Variants in HECTD4 observed in about 807,000 individuals in gnomAD.
The protein encoded by HECTD4 is probable E3 ubiquitin-protein ligase HECTD4.
HECTD4 carries 114 observed loss-of-function variants against 471.5 expected under a neutral mutation model. The observed-to-expected ratio is 0.24, with a 90% CI of 0.21 to 0.28. The LOEUF (loss-of-function observed/expected upper bound fraction) is 0.28. Ranked by LOEUF, HECTD4 falls within the 10% of genes least tolerant of loss-of-function variation. The pLI is 1.00. For synonymous variants in HECTD4, 2,012 were observed against 2,256.0 expected (o/e 0.89, Z 3.07); for missense variants, 3,866 against 5,651.5 (o/e 0.68, Z 10.13).
chr12:112,207,846 C>A (rs373595352), intron 52 of HECTD4, 28 bp downstream of exon 52: 2 of 1,610,804 alleles, frequency 1.2e-6, no homozygotes, highest in African/African-American at 2.7e-5. Context: ...ATGAAGTAAC[C>A]TCCTTAGCAG....
intron 21 of HECTD4, among the ~76,000 whole-genome samples, chr12:112,255,657 G>A (rs7952907): frequency 0.013 from 2,028 of 152,192 alleles, 39 homozygotes; most frequent in African/African-American, 0.047. Flanking sequence ...TAGTATGCAC[G>A]AAGCTATTAG....
At position 112,235,511 on chromosome 12, in the gene HECTD4, C is replaced by T. The variant is rs748551897; in HGVS notation, c.5718G>A (p.Val1906=). The T allele has an allele frequency of 2.5e-6, 4 of 1,609,524 alleles. No homozygotes were observed. The South Asian group carries it at 4.4e-5, about 18-fold the overall frequency. ...SLLLAKLADY[V]VPGCQTVLSP... is the part of the protein sequence containing the mutation. ...TGTTGAGGAGCTTCTCACCTGGAAC[C>T]ACATAATCTGCCAGCTTTGCTAAGA... Residue 1906 remains valine, a synonymous_variant, in exon 36 of 76, where the codon GTG becomes GTA. Transcript: ENST00000682272. The surrounding 1 kb of genome is among the most constrained non-coding windows in gnomAD (Gnocchi z 5.0).
chr12:112,193,311 C>A lies in HECTD4; in HGVS notation c.8956-120G>T, dbSNP rs922718934. The A allele has an allele frequency of 1.4e-6, 2 of 1,383,766 alleles. No homozygotes were observed. The highest frequency in any genetic ancestry group is 2.0e-6 in the Non-Finnish European group (2 of 1,008,850). The allele number at this position is 1,383,766 out of a possible 1,614,324, so 85.7% of individuals were successfully genotyped here. A position where few individuals can be genotyped will look rare whatever the true frequency, so the allele number is the denominator to read the frequency against. On this transcript the variant is annotated intron_variant, in intron 57 of 75. Transcript: ENST00000682272. This position sits in a 1 kb window ranked among gnomAD's most constrained non-coding sequence, Gnocchi z 5.2. ...GACTAAATAGCCCTCTGGAAGGAAG[C>A]AAGCTACAGATGAGATAAAGCAGAA...
intron 7 of HECTD4, among the ~76,000 whole-genome samples, chr12:112,299,042 A>G (rs2035107841): frequency 6.6e-6 from 1 of 152,184 alleles, no homozygotes; most frequent in Admixed American, 6.6e-5. Context: ...GAAAGTTGCT[A>G]AATTAGTGGC....
intron 44 of HECTD4, 45 bp from the exon 45 acceptor site, chr12:112,219,534 T>C: frequency 1.5e-6 from 2 of 1,374,182 alleles, no homozygotes; most frequent in Non-Finnish European, 2.1e-6. Context: ...CTCCCGCAAC[T>C]CCCAAGTGGG....
rs2033781204 is a variant in HECTD4, at chr12:112,247,157, T to A, written c.4338-81A>T. ...ATTAAAAAAAAATGTTTACAAAGAA[T>A]AAGAGAAGACACAGGGGAAACTAAG... is the stretch of plus-strand genomic sequence containing the variant. On this transcript the variant is annotated intron_variant, in intron 28 of 75. Coordinates refer to ENST00000682272, the MANE Select transcript of HECTD4 (RefSeq NM_001388303.1). 4.2e-6 allele frequency: 5 copies of A among 1,181,204 alleles called. No individual in the cohort carries two copies. In the South Asian group the frequency reaches 5.7e-5, roughly 14 times the overall value. The allele number at this position is 1,181,204 out of a possible 1,614,324, so 73.2% of individuals were successfully genotyped here. A position where few individuals can be genotyped will look rare whatever the true frequency, so the allele number is the denominator to read the frequency against.
intron 21 of HECTD4, among the ~76,000 whole-genome samples, chr12:112,255,159 A>G (rs1469959123): frequency 2.0e-5 from 3 of 152,226 alleles, no homozygotes; most frequent in Admixed American, 2.0e-4. Context: ...GAAATGCAAA[A>G]TACAGTTTTT....
intron 2 of HECTD4, among the ~76,000 whole-genome samples, chr12:112,315,416 T>C (rs2035459363): frequency 6.6e-6 from 1 of 152,060 alleles, no homozygotes; most frequent in African/African-American, 2.4e-5. Flanking sequence ...TTTCACTATC[T>C]CTAGTTTCAG....
chr12:112,185,297 G>C lies in HECTD4; in HGVS notation c.9669C>G (p.Tyr3223Ter). 6.4e-7 allele frequency: 1 copy of C among 1,560,810 alleles called. No homozygotes were observed. Among genetic ancestry groups the C allele is most frequent in the South Asian group, 1.2e-5 (1 of 85,192 alleles). ...MALQSELHKL[Y>*]DEETQNWVSG... ...AGACCCAGTTCTGCGTCTCCTCGTC[G>C]TACAGCTTGTGGAGCTCCGACTGCA... The change falls in exon 61 of 76, where the codon TAC (tyrosine) becomes TAG (stop). Residue 3223 changes from tyrosine (Y) to a stop codon, truncating the protein, a stop_gained. Transcript: ENST00000682272. LOFTEE classifies it high-confidence loss of function.
chr12:112,219,345 G>C, intron 45 of HECTD4, 41 bp downstream of exon 45: 1 of 1,420,076 alleles, frequency 7.0e-7, no homozygotes, highest in Non-Finnish European at 9.9e-7. Context: ...AGTGATGTGT[G>C]TGGAGGCTGC....
At chr12:112,297,973 T>C (rs568388639) in intron 7 of HECTD4, among the ~76,000 whole-genome samples, 24 of 152,168 alleles carry the variant, frequency 1.6e-4, no homozygotes, top group African/African-American at 5.8e-4. Context: ...TCATGGGGTG[T>C]CCACAGCCAA....
In HECTD4 at chr12:112,165,611, G is replaced by A. The variant is rs527781889; in HGVS notation, c.12535-1336C>T. ...CGTGATCTGCCCACCTTGGCCTCCC[G>A]AAGTGCTGGGATTACAGGCGTGAGC... is the stretch of plus-strand genomic sequence containing the variant. On this transcript the variant is annotated intron_variant, in intron 72 of 75. Coordinates refer to ENST00000682272, the MANE Select transcript of HECTD4 (RefSeq NM_001388303.1). 1.1e-4 allele frequency among the ~76,000 whole-genome samples: 16 copies of A among 151,700 alleles called. 1 individual carries two copies. Among genetic ancestry groups the A allele is most frequent in the South Asian group, 8.3e-4 (4 of 4,792 alleles).
chr12:112,224,750 G>A (rs1305466055), intron 44 of HECTD4, among the ~76,000 whole-genome samples: 1 of 152,154 alleles, frequency 6.6e-6, no homozygotes, highest in Non-Finnish European at 1.5e-5. Flanking sequence ...AAAATCATGT[G>A]AGACCACTGC....
At chr12:112,229,929 T>C in intron 40 of HECTD4, 49 bp from the exon 41 acceptor site, 1 of 1,526,050 alleles carries the variant, frequency 6.6e-7, no homozygotes, top group Non-Finnish European at 8.9e-7. Flanking sequence ...TTTGGTTGTT[T>C]TGATGCCAAG....
rs878999486 is a variant in HECTD4, at chr12:112,179,285, G to A, written c.11100C>T (p.Asp3700=). The change falls in exon 63 of 76, where the codon GAC becomes GAT. Residue 3700 remains aspartate, a synonymous_variant. Transcript: ENST00000682272. The surrounding 1 kb of genome is among the most constrained non-coding windows in gnomAD (Gnocchi z 4.3). ...LTPAKPIRVS[D]IYLSKEQINS... Reference sequence around the variant, plus strand: ...TGATCTGCTCTTTGCTAAGATAAATGTCAGAGACTCTGATGGGCTTCGCTG... The same window carrying A: ...TGATCTGCTCTTTGCTAAGATAAATATCAGAGACTCTGATGGGCTTCGCTG... 12 of 1,613,538 alleles carry A rather than the reference G, an allele frequency of 7.4e-6. No homozygotes were observed. The highest frequency in any genetic ancestry group is 1.0e-5 in the Non-Finnish European group (12 of 1,179,704).
At chr12:112,359,561 G>A (rs1173827233) in intron 1 of HECTD4, among the ~76,000 whole-genome samples, 2 of 152,096 alleles carry the variant, frequency 1.3e-5, no homozygotes, top group Admixed American at 6.6e-5. Flanking sequence ...TGGGATTACA[G>A]GTGCCTGCCA....
intron 1 of HECTD4, among the ~76,000 whole-genome samples, chr12:112,321,435 G>A (rs1397660771): frequency 6.6e-6 from 1 of 152,020 alleles, no homozygotes; most frequent in Non-Finnish European, 1.5e-5. Flanking sequence ...AACAAAGGAG[G>A]GCACTCTAGG....
At chr12:112,187,787 C>T (rs1265380435) in intron 60 of HECTD4, among the ~76,000 whole-genome samples, 1 of 151,196 alleles carries the variant, frequency 6.6e-6, no homozygotes, top group African/African-American at 2.4e-5. Context: ...CTATCACACC[C>T]GGCTAATTTT....
Position 112,164,179 on chromosome 12 carries a change from T to C in HECTD4, c.12631A>G (p.Arg4211Gly), listed in dbSNP as rs2030827958. Reference sequence around the variant, plus strand: ...CCCGTCATGGTCAGGTAGGTGAACCTGCAGCAGGGCTTGTTGGGGCTGTCA... The same window carrying C: ...CCCGTCATGGTCAGGTAGGTGAACCCGCAGCAGGGCTTGTTGGGGCTGTCA... ...SPDSPNKPCCRFTYLTMTGEE... is the reference protein window; with the variant it reads ...SPDSPNKPCCGFTYLTMTGEE... The change falls in exon 73 of 76, where the codon AGG (arginine) becomes GGG (glycine). Residue 4211 changes from arginine (R) to glycine (G), a missense_variant. By Grantham distance (125) the Arg-to-Gly change is moderately radical. Coordinates refer to ENST00000682272, the MANE Select transcript of HECTD4 (RefSeq NM_001388303.1). 6.2e-7 allele frequency: 1 copy of C among 1,613,716 alleles called. No homozygotes were observed. The highest frequency in any genetic ancestry group is 8.5e-7 in the Non-Finnish European group (1 of 1,179,854).
Sources: allele counts gnomAD v4.1 joint callset (sites outside exome capture counted in the v4.1 genomes callset), GRCh38; gene constraint gnomAD v4.1.1; non-coding constraint Gnocchi (gnomAD v3.1); transcripts MANE v1.5; gene names NCBI Gene and HGNC (gene_info 2026-07-23, HGNC 2026-07-21).